The following RGS8 variants were observed in gnomAD, a reference collection of about 807,000 sequenced individuals.
RGS8 encodes regulator of G protein signaling 8.
In RGS8, 8 loss-of-function variants were observed where a neutral mutation model predicts 21.7. The observed-to-expected ratio is 0.37, with a 90% CI of 0.22 to 0.66. The LOEUF is 0.66. RGS8 is among the 30% of genes least tolerant of loss of function. The pLI is 0.59. For missense variants in RGS8, 157 were observed against 217.9 expected (o/e 0.72, Z 1.76); for synonymous variants, 80 against 83.6 (o/e 0.96, Z 0.24).
chr1:182,732,644 T>C, the RGS8 span, among the ~76,000 whole-genome samples: 2 of 152,202 alleles, frequency 1.3e-5, no homozygotes, highest in African/African-American at 4.8e-5. Context: ...AGTGTAATAG[T>C]GACCATTATG....
chr1:182,654,391 G>C (rs963889023), intron 5 of RGS8, among the ~76,000 whole-genome samples: 2 of 152,198 alleles, frequency 1.3e-5, no homozygotes, highest in African/African-American at 4.8e-5. Context: ...GGTAGAGGAA[G>C]ATAGAGAAAA....
At chr1:182,674,389 G>A (rs1253227690), upstream of RGS8, among the ~76,000 whole-genome samples, 1 of 152,012 alleles carries the variant, frequency 6.6e-6, no homozygotes, top group Admixed American at 6.5e-5. Flanking sequence ...AGAAAGAACA[G>A]GAATATAAAG....
chr1:182,705,961 T>C, the RGS8 span, among the ~76,000 whole-genome samples: 1 of 152,158 alleles, frequency 6.6e-6, no homozygotes, highest in Non-Finnish European at 1.5e-5. Flanking sequence ...GAGAAATGTT[T>C]TGGAGATGCA....
intron 4 of RGS8, among the ~76,000 whole-genome samples, chr1:182,666,556 A>G (rs493541): frequency 1.4e-3 from 219 of 152,186 alleles, no homozygotes; most frequent in African/African-American, 4.8e-3. Flanking sequence ...TTGAACAGTT[A>G]TTTCCAAATT....
chr1:182,650,127 G>T (rs982185902), intron 5 of RGS8, among the ~76,000 whole-genome samples: 2 of 149,702 alleles, frequency 1.3e-5, no homozygotes, highest in African/African-American at 2.6e-5. Flanking sequence ...GGCCAGGATG[G>T]TCTTGATCTC....
the RGS8 span, chr1:182,712,808 C>T: frequency 6.6e-6 from 1 of 152,144 alleles, no homozygotes; most frequent in Admixed American, 6.5e-5. Context: ...ACAGACATGA[C>T]CTCATTCTGA....
the RGS8 span, among the ~76,000 whole-genome samples, chr1:182,747,211 A>C: frequency 2.0e-5 from 3 of 151,266 alleles, no homozygotes; most frequent in African/African-American, 7.3e-5. Flanking sequence ...TGCATCTTCT[A>C]TCTTTAGACA....
At chr1:182,693,358 A>G in the RGS8 span, among the ~76,000 whole-genome samples, 5,503 of 152,362 alleles carry the variant, frequency 0.036, 130 homozygotes, top group Admixed American at 0.045. Flanking sequence ...GCTGACAAGC[A>G]TATGAGAAAA....
the RGS8 span, among the ~76,000 whole-genome samples, chr1:182,697,287 C>T: frequency 1.1e-4 from 17 of 152,236 alleles, no homozygotes; most frequent in Non-Finnish European, 1.3e-4. Context: ...GTTTGAAATA[C>T]TTGACTCTTC....
At chr1:182,741,762 C>T in the RGS8 span, among the ~76,000 whole-genome samples, 1 of 109,284 alleles carries the variant, frequency 9.2e-6, no homozygotes, top group Non-Finnish European at 2.2e-5. Context: ...GCTGACCCCC[C>T]CACCTCCCTC....
the RGS8 span, among the ~76,000 whole-genome samples, chr1:182,702,713 A>G: frequency 2.4e-4 from 36 of 152,228 alleles, no homozygotes; most frequent in Non-Finnish European, 4.7e-4. Flanking sequence ...AAGAAATTCA[A>G]TTATTCAATA....
At chr1:182,665,575 T>G (rs1212038206) in intron 5 of RGS8, among the ~76,000 whole-genome samples, 1 of 152,170 alleles carries the variant, frequency 6.6e-6, no homozygotes, top group African/African-American at 2.4e-5. Flanking sequence ...ATTTGACTGA[T>G]GCATAGCCCA....
the RGS8 span, among the ~76,000 whole-genome samples, chr1:182,748,694 G>A: frequency 6.6e-6 from 1 of 152,124 alleles, no homozygotes; most frequent in Non-Finnish European, 1.5e-5. Context: ...TTTTTCATAA[G>A]GGCTGCATTA....
At chr1:182,681,679 T>C (rs1219086400) in intron 1 of RGS8, among the ~76,000 whole-genome samples, 1 of 152,186 alleles carries the variant, frequency 6.6e-6, no homozygotes, top group Non-Finnish European at 1.5e-5. Context: ...GAGCACTCAG[T>C]GAGACGCCTT....
At chr1:182,649,925 G>GT (rs908227587) in intron 5 of RGS8, among the ~76,000 whole-genome samples, 12 of 133,494 alleles carry the variant, frequency 9.0e-5, no homozygotes. Flanking sequence ...TTTTTTTTGG[G>GT]TGGGGGGCAT....
chr1:182,652,884 G>A (rs1445546611), intron 5 of RGS8, among the ~76,000 whole-genome samples: 1 of 152,098 alleles, frequency 6.6e-6, no homozygotes, highest in Admixed American at 6.5e-5. Flanking sequence ...GAAGGAAGGA[G>A]AGGAAGGAGA....
At chr1:182,720,918 TAC>T in the RGS8 span, among the ~76,000 whole-genome samples, 2 of 61,420 alleles carry the variant, frequency 3.3e-5, no homozygotes, top group South Asian at 4.9e-4. Context: ...TGTGTGTATA[TAC>T]ATATATACAT....
chr1:182,721,022 T>C, the RGS8 span, among the ~76,000 whole-genome samples: 5 of 86,222 alleles, frequency 5.8e-5, no homozygotes, highest in African/African-American at 4.8e-5. Flanking sequence ...TATACACATA[T>C]ATATGTGTGT....
At chr1:182,669,809 C>T (rs954964827) in intron 2 of RGS8, 57 bp from the exon 4 acceptor site, 244 of 1,468,706 alleles carry the variant, frequency 1.7e-4, no homozygotes, top group South Asian at 2.1e-4. Flanking sequence ...GACTGCACTA[C>T]ATTTCCTCTC....
Sources: gnomAD v4.1 joint callset for allele counts (sites outside exome capture counted in the v4.1 genomes callset) on GRCh38, gnomAD v4.1.1 for gene constraint, MANE v1.5 for transcripts, NCBI Gene and HGNC (gene_info 2026-07-23, HGNC 2026-07-21) for gene names.